TMEM272: variants seen among roughly 807,000 people sequenced by gnomAD.
The protein encoded by TMEM272 is long intergenic non-protein coding RNA 282.
In TMEM272, 8 loss-of-function variants were observed where a neutral mutation model predicts 3.7. The observed-to-expected ratio is 2.17, with a 90% confidence interval of 1.27 to 3.91. The LOEUF is 3.91. Ranked by LOEUF, TMEM272 falls within the 30% of genes most tolerant of loss-of-function variation. The pLI is 0.00. For synonymous variants in TMEM272, 63 were observed against 39.8 expected (o/e 1.58, Z -2.20); for missense variants, 166 against 91.5 (o/e 1.81, Z -3.32).
the TMEM272 span, among the ~76,000 whole-genome samples, chr13:51,928,826 A>G: frequency 0.035 from 5,312 of 152,298 alleles, 322 homozygotes; most frequent in African/African-American, 0.12. Context: ...CAGGTGGTAG[A>G]ACATGGAGCT....
At chr13:51,908,990 G>T in the TMEM272 span, 4 of 1,438,186 alleles carry the variant, frequency 2.8e-6, no homozygotes, top group African/African-American at 4.2e-5. Flanking sequence ...GCAAAGGTGA[G>T]AGTCTCAGTG....
the TMEM272 span, among the ~76,000 whole-genome samples, chr13:51,885,343 G>A: frequency 1.1e-4 from 17 of 152,280 alleles, no homozygotes; most frequent in Middle Eastern, 3.4e-3. Flanking sequence ...CCGCATGGCT[G>A]GGGAGGCCTC....
the TMEM272 span, among the ~76,000 whole-genome samples, chr13:51,889,704 C>A: frequency 1.5e-3 from 232 of 152,108 alleles, 2 homozygotes; most frequent in African/African-American, 5.4e-3. Flanking sequence ...TGCAATGGTG[C>A]GATCCCGGCT....
At chr13:51,886,122 A>G in the TMEM272 span, among the ~76,000 whole-genome samples, 3 of 152,166 alleles carry the variant, frequency 2.0e-5, no homozygotes, top group Non-Finnish European at 4.4e-5. Flanking sequence ...TACGAATTTT[A>G]CCCTCAAGGT....
the TMEM272 span, chr13:51,930,560 G>A: frequency 2.0e-5 from 3 of 151,776 alleles, no homozygotes; most frequent in Non-Finnish European, 2.9e-5. Context: ...ACACATCAAG[G>A]TAATCTGCAA....
At chr13:51,826,885 C>A (rs1162422223) in intron 2 of TMEM272, among the ~76,000 whole-genome samples, 3 of 151,630 alleles carry the variant, frequency 2.0e-5, no homozygotes, top group African/African-American at 7.3e-5. Flanking sequence ...AGGACCTCTC[C>A]AAGTCTGACA....
At chr13:51,931,994 C>A in the TMEM272 span, among the ~76,000 whole-genome samples, 2 of 152,186 alleles carry the variant, frequency 1.3e-5, no homozygotes, top group African/African-American at 2.4e-5. Flanking sequence ...AGTACGTAGT[C>A]TGTGTCAATG....
At chr13:51,928,697 G>A in the TMEM272 span, among the ~76,000 whole-genome samples, 1 of 152,120 alleles carries the variant, frequency 6.6e-6, no homozygotes, top group Non-Finnish European at 1.5e-5. Context: ...TTGTAGAGTG[G>A]CCCCCAGGGA....
At chr13:51,838,404 T>C in intron 2 of TMEM272, 69 bp downstream of exon 2, 1 of 702,914 alleles carries the variant, frequency 1.4e-6, no homozygotes, top group Non-Finnish European at 2.6e-6. Context: ...ACTCCAGCTT[T>C]AGCTCATCGG....
chr13:51,819,057 T>A (rs1011267917), intron 4 of TMEM272, among the ~76,000 whole-genome samples: 1 of 152,028 alleles, frequency 6.6e-6, no homozygotes, highest in South Asian at 2.1e-4. Flanking sequence ...AGGCAGAACA[T>A]CTCCATAAGA....
the TMEM272 span, among the ~76,000 whole-genome samples, chr13:51,931,160 C>T: frequency 6.6e-6 from 1 of 152,116 alleles, no homozygotes; most frequent in African/African-American, 2.4e-5. Context: ...GACACATGGA[C>T]ACTATGTTTA....
the TMEM272 span, among the ~76,000 whole-genome samples, chr13:51,894,268 C>T: frequency 6.6e-6 from 1 of 152,226 alleles, no homozygotes; most frequent in African/African-American, 2.4e-5. Flanking sequence ...GGCATGAGTG[C>T]TCTCCAGCTC....
At chr13:51,889,807 A>T in the TMEM272 span, among the ~76,000 whole-genome samples, 9 of 152,116 alleles carry the variant, frequency 5.9e-5, no homozygotes, top group African/African-American at 1.9e-4. Flanking sequence ...ACGCCCGACT[A>T]ATTTTGTATT....
chr13:51,821,725 G>T (rs1283862094), intron 4 of TMEM272, among the ~76,000 whole-genome samples: 1 of 137,986 alleles, frequency 7.2e-6, no homozygotes, highest in Admixed American at 7.3e-5. Flanking sequence ...GCAGCGCAGA[G>T]AAAGACCATG....
chr13:51,898,444 GC>G, the TMEM272 span, among the ~76,000 whole-genome samples: 1 of 151,712 alleles, frequency 6.6e-6, no homozygotes, highest in South Asian at 2.1e-4. Flanking sequence ...GAGGATGGCT[GC>G]CTCATGGATG....
At chr13:51,911,756 G>T in the TMEM272 span, among the ~76,000 whole-genome samples, 1 of 152,128 alleles carries the variant, frequency 6.6e-6, no homozygotes, top group Admixed American at 6.5e-5. Flanking sequence ...TGAAACAGAG[G>T]TCACATCTGC....
the TMEM272 span, among the ~76,000 whole-genome samples, chr13:51,922,625 A>T: frequency 2.6e-5 from 4 of 152,312 alleles, no homozygotes; most frequent in African/African-American, 9.6e-5. Flanking sequence ...AAACTACTGC[A>T]AACTTCATGG....
the TMEM272 span, among the ~76,000 whole-genome samples, chr13:51,889,434 G>A: frequency 6.6e-6 from 1 of 152,070 alleles, no homozygotes; most frequent in East Asian, 1.9e-4. Context: ...AAGAGGAGGA[G>A]ACACCAGGGA....
chr13:51,846,258 G>A (rs1202089676), upstream of TMEM272, among the ~76,000 whole-genome samples: 1 of 152,222 alleles, frequency 6.6e-6, no homozygotes, highest in African/African-American at 2.4e-5. Context: ...TCACAGTCAT[G>A]AGCCACATAA....
Sources: gnomAD v4.1 joint callset for allele counts (sites outside exome capture counted in the v4.1 genomes callset) on GRCh38, gnomAD v4.1.1 for gene constraint, MANE v1.5 for transcripts, NCBI Gene and HGNC (gene_info 2026-07-23, HGNC 2026-07-21) for gene names.